Variants in MIR2052HG observed in about 807,000 individuals in gnomAD.
MIR2052HG encodes MIR2052 host gene.
intron 4 of MIR2052HG, among the ~76,000 whole-genome samples, chr8:74,721,923 T>C (rs1186503737): frequency 6.6e-6 from 1 of 152,204 alleles, no homozygotes. Context: ...ACAGGCATAG[T>C]GGCTCATGCC....
At chr8:74,628,958 T>C (rs1808473266) in intron 2 of MIR2052HG, 1 of 152,296 alleles carries the variant, frequency 6.6e-6, no homozygotes, top group African/African-American at 2.4e-5. Flanking sequence ...AGTAGTCTGA[T>C]GGGAGAGAGC....
chr8:74,635,656 T>G (rs1335008217), intron 2 of MIR2052HG, among the ~76,000 whole-genome samples: 1 of 152,196 alleles, frequency 6.6e-6, no homozygotes, highest in African/African-American at 2.4e-5. Flanking sequence ...CTTATCAATG[T>G]CAACACGTAA....
intron 2 of MIR2052HG, among the ~76,000 whole-genome samples, chr8:74,655,668 G>A (rs1047527691): frequency 6.6e-6 from 1 of 152,226 alleles, no homozygotes; most frequent in Non-Finnish European, 1.5e-5. Context: ...CAGGGGTGGG[G>A]CCCTTATGGA....
chr8:74,713,501 G>GT (rs555860839), intron 4 of MIR2052HG, among the ~76,000 whole-genome samples: 5 of 151,442 alleles, frequency 3.3e-5, no homozygotes, highest in Non-Finnish European at 4.4e-5. Context: ...CTTATCTTCA[G>GT]TTTTTTTTCA....
intron 2 of MIR2052HG, among the ~76,000 whole-genome samples, chr8:74,635,413 T>A (rs1382321277): frequency 6.6e-6 from 1 of 152,108 alleles, no homozygotes; most frequent in Admixed American, 6.6e-5. Context: ...TTTGCACTGG[T>A]CCTTAATTAC....
At position 74,690,299 on chromosome 8, in the gene MIR2052HG, T is replaced by C. The variant is rs561259176; in HGVS notation, n.217-12080T>C. ...CAGAGATAGTTTTCTGAAAGACCTG[T>C]CATCTGAGGTCAGTTCTTCATGAAG... On this transcript the variant is annotated intron_variant and non_coding_transcript_variant, in intron 2 of 6. Coordinates refer to ENST00000523442, the Ensembl canonical transcript of MIR2052HG. 5.3e-5 allele frequency among the ~76,000 whole-genome samples: 8 copies of C among 152,300 alleles called. No individual in the cohort carries two copies. In the South Asian group the frequency reaches 1.4e-3, roughly 28 times the overall value.
intron 2 of MIR2052HG, among the ~76,000 whole-genome samples, chr8:74,655,786 C>G (rs28842343): frequency 0.02 from 3,034 of 152,190 alleles, 89 homozygotes; most frequent in African/African-American, 0.068. Context: ...AGAAGAGGGC[C>G]ACCATCCTTC....
chr8:74,737,496 G>A (rs1287781826), intron 4 of MIR2052HG, among the ~76,000 whole-genome samples: 2 of 151,998 alleles, frequency 1.3e-5, no homozygotes, highest in Non-Finnish European at 2.9e-5. Flanking sequence ...AGTTCAAAAC[G>A]CCAAGAACCT....
intron 2 of MIR2052HG, among the ~76,000 whole-genome samples, chr8:74,688,468 C>T (rs977239285): frequency 4.6e-5 from 7 of 151,892 alleles, no homozygotes; most frequent in Admixed American, 2.6e-4. Flanking sequence ...CTAGTATACA[C>T]GAGCTATACA....
intron 1 of MIR2052HG, among the ~76,000 whole-genome samples, chr8:74,611,877 C>T (rs1243840939): frequency 6.6e-6 from 1 of 152,146 alleles, no homozygotes; most frequent in Non-Finnish European, 1.5e-5. Flanking sequence ...TACTCTGCAC[C>T]AGTTGTTTGC....
Position 74,603,437 on chromosome 8 carries a change from A to G in MIR2052HG, n.128+3529A>G, listed in dbSNP as rs1808055440. 5.6e-6 allele frequency: 9 copies of G among 1,607,876 alleles called. No individual in the cohort carries two copies. The East Asian group carries it at 1.8e-4, about 32-fold the overall frequency. On this transcript the variant is annotated intron_variant and non_coding_transcript_variant, in intron 1 of 6. Transcript: ENST00000523442. The stretch of plus-strand genomic sequence containing the variant: ...TTCGCAATTTTGATCTGTGCCCCAG[A>G]CATCTGACGGATCTCATTTATTTTG...
At chr8:74,693,325 G>A (rs1809258671) in intron 2 of MIR2052HG, among the ~76,000 whole-genome samples, 1 of 152,170 alleles carries the variant, frequency 6.6e-6, no homozygotes, top group South Asian at 2.1e-4. Context: ...AGGGGTCCTT[G>A]GAGAGAGCTG....
At chr8:74,617,540 CATAT>C (rs773905893) in intron 2 of MIR2052HG, among the ~76,000 whole-genome samples, 33 of 149,974 alleles carry the variant, frequency 2.2e-4, no homozygotes, top group Non-Finnish European at 3.4e-4. Flanking sequence ...GGTGTATATA[CATAT>C]ATATATGTAT....
At chr8:74,649,066 CA>C (rs534886663) in intron 2 of MIR2052HG, among the ~76,000 whole-genome samples, 37 of 139,290 alleles carry the variant, frequency 2.7e-4, no homozygotes, top group East Asian at 8.4e-4. Context: ...GAGACAGAGG[CA>C]AAAAAAAAAA....
intron 2 of MIR2052HG, among the ~76,000 whole-genome samples, chr8:74,615,481 C>T (rs1808266520): frequency 6.6e-6 from 1 of 152,158 alleles, no homozygotes; most frequent in African/African-American, 2.4e-5. Context: ...AGTGTTCTTT[C>T]ATCTCACTTT....
chr8:74,758,002 T>C (rs1423210898), intron 5 of MIR2052HG: 1 of 152,220 alleles, frequency 6.6e-6, no homozygotes, highest in Non-Finnish European at 1.5e-5. Flanking sequence ...GTGTCATAAA[T>C]ATTGATTCTT....
intron 2 of MIR2052HG, among the ~76,000 whole-genome samples, chr8:74,628,322 A>G (rs1450677120): frequency 6.6e-6 from 1 of 152,206 alleles, no homozygotes. Flanking sequence ...GTCCAAAGAA[A>G]TAAAACATAA....
rs181074898 is a variant in MIR2052HG, at chr8:74,671,938, A to G, written n.217-30441A>G. On this transcript the variant is annotated intron_variant and non_coding_transcript_variant, in intron 2 of 6. Transcript: ENST00000523442. ...AGGTCAACTCAGGAGAAGAAAAATG[A>G]TCTCTTTCAAGATGACTGTTACTGC... Among the ~76,000 whole-genome samples the G allele has an allele frequency of 4.6e-5, 7 of 152,240 alleles. No individual in the cohort carries two copies. The East Asian group carries it at 9.7e-4, about 21-fold the overall frequency.
At chr8:74,611,591 T>C (rs901165848) in intron 1 of MIR2052HG, among the ~76,000 whole-genome samples, 1 of 152,238 alleles carries the variant, frequency 6.6e-6, no homozygotes, top group Non-Finnish European at 1.5e-5. Flanking sequence ...AGAAAGTCTC[T>C]CATAAATAGT....
Sources: gnomAD v4.1 joint callset for allele counts (sites outside exome capture counted in the v4.1 genomes callset) on GRCh38, gnomAD v4.1.1 for gene constraint, MANE v1.5 for transcripts, NCBI Gene and HGNC (gene_info 2026-07-23, HGNC 2026-07-21) for gene names.